Variants in CACNA1E observed in about 807,000 individuals in gnomAD.
The protein encoded by CACNA1E is calcium voltage-gated channel subunit alpha1 E, also known as voltage-dependent R-type calcium channel subunit alpha-1E.
CACNA1E carries 40 observed loss-of-function variants against 259.2 expected under a neutral mutation model. The observed-to-expected ratio is 0.15, with a 90% CI of 0.12 to 0.20. The LOEUF (loss-of-function observed/expected upper bound fraction) is 0.20. Ranked by LOEUF, CACNA1E falls within the 10% of genes least tolerant of loss-of-function variation. The probability of loss-of-function intolerance (pLI) is 1.00; values close to 1 mark genes in which losing one functional copy is unlikely to be tolerated. For synonymous variants in CACNA1E, 1,104 were observed against 1,138.5 expected (o/e 0.97, Z 0.61); for missense variants, 1,874 against 3,040.1 (o/e 0.62, Z 9.02).
At chr1:181,752,694 A>G (rs570640115) in intron 27 of CACNA1E, among the ~76,000 whole-genome samples, 1 of 152,350 alleles carries the variant, frequency 6.6e-6, no homozygotes, top group Non-Finnish European at 1.5e-5. Flanking sequence ...CCTACCCTTC[A>G]TAATTTTGAG....
intron 39 of CACNA1E, among the ~76,000 whole-genome samples, chr1:181,782,500 G>T (rs886272029): frequency 6.6e-6 from 1 of 152,218 alleles, no homozygotes; most frequent in Non-Finnish European, 1.5e-5. Flanking sequence ...TTAAAGAAGT[G>T]GGAGAGAGAT....
chr1:181,371,753 G>A (rs1410485206), intron 1 of CACNA1E, among the ~76,000 whole-genome samples: 3 of 151,936 alleles, frequency 2.0e-5, no homozygotes, highest in African/African-American at 7.3e-5. Flanking sequence ...ATTTTGAGTT[G>A]ATTTTTCTAT....
chr1:181,550,480 C>T (rs894914744), intron 3 of CACNA1E, among the ~76,000 whole-genome samples: 4 of 151,988 alleles, frequency 2.6e-5, no homozygotes, highest in African/African-American at 4.8e-5. Context: ...CAAGGACAGA[C>T]TCCAAGAGGC....
At chr1:181,571,556 A>T (rs1210633465) in intron 3 of CACNA1E, among the ~76,000 whole-genome samples, 6 of 152,222 alleles carry the variant, frequency 3.9e-5, no homozygotes, top group Admixed American at 2.6e-4. Context: ...CAACTCATTT[A>T]TGTCAACTAC....
chr1:181,711,121 G>A lies in CACNA1E; in HGVS notation c.1171+52G>A. 7.3e-6 allele frequency: 9 copies of A among 1,235,908 alleles called. No individual in the cohort carries two copies. The South Asian group carries it at 1.1e-4, about 15-fold the overall frequency. 76.6% of individuals were successfully genotyped at this position (1,235,908 alleles called of 1,614,324 possible). ...GGTGAGTGGGCTGCAGAGACATCAG[G>A]GCCGGCCCCTCACTCCCAATGCTCC... On this transcript the variant is annotated intron_variant, in intron 8 of 47. Transcript: ENST00000367573.
chr1:181,697,375 TA>T (rs1488972669), intron 7 of CACNA1E, among the ~76,000 whole-genome samples: 1 of 152,230 alleles, frequency 6.6e-6, no homozygotes, highest in African/African-American at 2.4e-5. Context: ...TGGCTTCATT[TA>T]AAAAGTGAGC....
chr1:181,714,113 G>T (rs1220205753), intron 8 of CACNA1E, among the ~76,000 whole-genome samples: 1 of 152,136 alleles, frequency 6.6e-6, no homozygotes, highest in African/African-American at 2.4e-5. Context: ...CGGTTCCACA[G>T]GACTGCCCCC....
At chr1:181,552,715 G>A (rs186383541) in intron 3 of CACNA1E, among the ~76,000 whole-genome samples, 2 of 152,242 alleles carry the variant, frequency 1.3e-5, no homozygotes, top group Non-Finnish European at 2.9e-5. Context: ...ATAGGTATAC[G>A]TGTGCCATGG....
At chr1:181,626,206 T>G (rs561453223) in intron 6 of CACNA1E, among the ~76,000 whole-genome samples, 1 of 152,300 alleles carries the variant, frequency 6.6e-6, no homozygotes, top group South Asian at 2.1e-4. Flanking sequence ...ATTATCAAAA[T>G]GTGACACAGA....
rs982027070 is a variant in CACNA1E at position 181,633,243 on chromosome 1, C to A, written c.952-18095C>A. Among the ~76,000 whole-genome samples, 3 of 152,032 alleles carry A rather than the reference C, an allele frequency of 2.0e-5. 1 individual carries two copies. The highest frequency in any genetic ancestry group is 2.0e-4 in the Admixed American group (3 of 15,252). On this transcript the variant is annotated intron_variant, in intron 6 of 47. Transcript: ENST00000367573. ...AGCAGCTGGGGAATAAGAGTGTCTG[C>A]CCTGAAAGCAGAACCTGAGTATAAT...
chr1:181,410,628 G>T (rs916061399), intron 1 of CACNA1E, among the ~76,000 whole-genome samples: 1 of 152,156 alleles, frequency 6.6e-6, no homozygotes, highest in East Asian at 1.9e-4. Flanking sequence ...TAACGAGGAG[G>T]GGGGCTGGGA....
rs1007196019 is a variant in CACNA1E, at chr1:181,807,834, A to T, written c.*9000A>T. 6.6e-6 allele frequency: 1 copy of T among 151,910 alleles called. No homozygotes were observed. Among genetic ancestry groups the T allele is most frequent in the Non-Finnish European group, 1.5e-5 (1 of 67,984 alleles). The allele number at this position is 151,910 out of a possible 1,614,324, so 9.4% of individuals were successfully genotyped here. A position where few individuals can be genotyped will look rare whatever the true frequency, so the allele number is the denominator to read the frequency against. On this transcript the variant is annotated 3_prime_UTR_variant, in exon 48 of 48. Transcript: ENST00000367573. ...TTTCTAAGATTCTCTACAACTTTTA[A>T]ATTTTATGTTATTTTTCAATCATAA...
intron 29 of CACNA1E, 33 bp from the exon 30 acceptor site, chr1:181,756,892 C>T (rs1356840146): frequency 3.6e-6 from 5 of 1,407,600 alleles, no homozygotes; most frequent in Non-Finnish European, 3.0e-6. Flanking sequence ...GACTGTCATC[C>T]ACCATCTGTG....
intron 1 of CACNA1E, among the ~76,000 whole-genome samples, chr1:181,487,702 ACT>A: frequency 6.6e-6 from 1 of 152,038 alleles, no homozygotes; most frequent in South Asian, 2.1e-4. Context: ...ACCAGCTCTC[ACT>A]GTTTCATGCC....
At chr1:181,718,840 G>A (rs913782853) in intron 12 of CACNA1E, among the ~76,000 whole-genome samples, 8 of 152,134 alleles carry the variant, frequency 5.3e-5, no homozygotes, top group Non-Finnish European at 1.0e-4. Flanking sequence ...CATTTCAGGA[G>A]TTAGCCTTCC....
intron 3 of CACNA1E, among the ~76,000 whole-genome samples, chr1:181,538,910 G>A (rs1217358795): frequency 6.6e-6 from 1 of 152,220 alleles, no homozygotes; most frequent in Non-Finnish European, 1.5e-5. Flanking sequence ...TTCACAAAAT[G>A]TAATATAATT....
intron 7 of CACNA1E, among the ~76,000 whole-genome samples, chr1:181,697,069 C>T (rs1018734415): frequency 5.9e-5 from 9 of 152,124 alleles, no homozygotes; most frequent in Non-Finnish European, 8.8e-5. Context: ...TTTCTGACCT[C>T]GGGTCCTATC....
At chr1:181,796,895 A>G (rs1661859113) in intron 47 of CACNA1E, 37 bp downstream of exon 47, 1 of 1,477,406 alleles carries the variant, frequency 6.8e-7, no homozygotes. Context: ...CAGCAGAAGG[A>G]CAGGGGAGGG....
At chr1:181,691,324 T>C (rs1651134928) in intron 7 of CACNA1E, among the ~76,000 whole-genome samples, 1 of 152,078 alleles carries the variant, frequency 6.6e-6, no homozygotes, top group Non-Finnish European at 1.5e-5. Context: ...GGTACTACAT[T>C]TTACATACAT....
Sources: gnomAD v4.1 joint callset for allele counts (sites outside exome capture counted in the v4.1 genomes callset) on GRCh38, gnomAD v4.1.1 for gene constraint, MANE v1.5 for transcripts, NCBI Gene and HGNC (gene_info 2026-07-23, HGNC 2026-07-21) for gene names.